The following STOX2 variants were observed in gnomAD, a reference collection of about 807,000 sequenced individuals.
STOX2 encodes the protein storkhead box 2.
A neutral mutation model predicts 60.9 loss-of-function variants in STOX2; 28 were observed. That is an observed-to-expected ratio of 0.46 (90% CI 0.34 to 0.63). The LOEUF (loss-of-function observed/expected upper bound fraction) is 0.63, where lower values mean the gene tolerates loss of function less well. Among genes scored for constraint, STOX2 ranks in the 30% least tolerant of loss-of-function variants. The probability of loss-of-function intolerance (pLI) is 0.01; values close to 1 mark genes in which losing one functional copy is unlikely to be tolerated. For missense variants in STOX2, 1,024 were observed against 1,187.7 expected, an observed-to-expected ratio of 0.86 and a Z score of 2.03; for synonymous variants, 472 against 463.9, an observed-to-expected ratio of 1.02 and a Z score of -0.22.
chr4:183,910,361 A>C (rs1473082743), intron 1 of STOX2, among the ~76,000 whole-genome samples: 3 of 152,176 alleles, frequency 2.0e-5, no homozygotes, highest in Non-Finnish European at 2.9e-5. Flanking sequence ...ATGTATGAAA[A>C]CATGCTCATT....
Position 184,001,230 on chromosome 4 carries a change from G to C in STOX2, c.167-95G>C, listed in dbSNP as rs762754012. The C allele has an allele frequency of 2.9e-5, 37 of 1,270,192 alleles. No homozygotes were observed. In the African/African-American group the frequency reaches 3.8e-4, roughly 13 times the overall value. 78.7% of individuals were successfully genotyped at this position (1,270,192 alleles called of 1,614,324 possible). Reference sequence around the variant, plus strand: ...GCTATGTTCGGAGCTGACTGTGTTCGTCAGACCAGGGCCAGATGGACGCGT... The same window carrying C: ...GCTATGTTCGGAGCTGACTGTGTTCCTCAGACCAGGGCCAGATGGACGCGT... On this transcript the variant is annotated intron_variant, in intron 1 of 3. Transcript: ENST00000308497. This position sits in a 1 kb window ranked among gnomAD's most constrained non-coding sequence, Gnocchi z 4.2.
intron 1 of STOX2, among the ~76,000 whole-genome samples, chr4:183,803,245 A>C (rs1304589803): frequency 6.6e-6 from 1 of 152,150 alleles, no homozygotes; most frequent in Non-Finnish European, 1.5e-5. Flanking sequence ...TATGGGAGCT[A>C]TAAGACGAGA....
chr4:183,925,870 A>G (rs182841710), intron 1 of STOX2, among the ~76,000 whole-genome samples: 2 of 152,088 alleles, frequency 1.3e-5, no homozygotes, highest in Admixed American at 6.5e-5. Context: ...TCCTTTTAGT[A>G]TTTGAAAACA....
chr4:183,931,984 C>G (rs1742438207), intron 1 of STOX2, among the ~76,000 whole-genome samples: 1 of 152,060 alleles, frequency 6.6e-6, no homozygotes, highest in Non-Finnish European at 1.5e-5. Flanking sequence ...AGGGCTGTTT[C>G]AGGGATCCAG....
At chr4:183,832,236 C>T (rs1739587139) in intron 1 of STOX2, among the ~76,000 whole-genome samples, 1 of 151,662 alleles carries the variant, frequency 6.6e-6, no homozygotes. Context: ...GTGGTCCGCC[C>T]ACCATGGCCT....
At position 184,010,311 on chromosome 4, in the gene STOX2, C is replaced by G. The variant is rs1432136371; in HGVS notation, c.1473C>G (p.Ser491=). 1.2e-6 allele frequency: 2 copies of G among 1,601,870 alleles called. No individual in the cohort carries two copies. Among genetic ancestry groups the G allele is most frequent in the South Asian group, 2.3e-5 (2 of 88,720 alleles). The change falls in exon 3 of 4, where the codon TCC becomes TCG. Residue 491 remains serine, a synonymous_variant. Coordinates refer to ENST00000308497, the MANE Select transcript of STOX2 (RefSeq NM_020225.3). The surrounding 1 kb of genome is among the most constrained non-coding windows in gnomAD (Gnocchi z 4.5). The stretch of plus-strand genomic sequence containing the variant: ...GATCCAACAAAGCCAAGGAGAGATC[C>G]AGGTCGATGGATAACTCCAAAGGCC... ...NERSNKAKER[S]RSMDNSKGPL...
At chr4:183,887,542 TAGC>T (rs895665056) in intron 1 of STOX2, among the ~76,000 whole-genome samples, 26 of 152,308 alleles carry the variant, frequency 1.7e-4, no homozygotes, top group African/African-American at 6.0e-4. Context: ...TACACATCAT[TAGC>T]AGACTCCCTG....
chr4:183,829,357 G>A (rs1330457092), intron 1 of STOX2, among the ~76,000 whole-genome samples: 9 of 152,300 alleles, frequency 5.9e-5, no homozygotes, highest in African/African-American at 1.7e-4. Context: ...AAGACAGAAC[G>A]TGGAAAAAAG....
In STOX2 at chr4:183,913,945, G is replaced by T. The variant is rs188392914; in HGVS notation, c.166+6989G>T. On this transcript the variant is annotated intron_variant, in intron 1 of 3. Transcript: ENST00000308497. ...TACTTTTGTATTTAAGTGAATTAAA[G>T]AAACAATTTTGCATTTCCTATGAAA... 9.9e-5 allele frequency among the ~76,000 whole-genome samples: 15 copies of T among 152,258 alleles called. 1 individual carries two copies. In the East Asian group the frequency reaches 1.9e-3, roughly 20 times the overall value.
At chr4:183,939,005 A>G (rs1031108298) in intron 1 of STOX2, among the ~76,000 whole-genome samples, 8 of 152,336 alleles carry the variant, frequency 5.3e-5, no homozygotes, top group African/African-American at 1.9e-4. Context: ...AATCTATCCA[A>G]AGAGTCAGCT....
chr4:184,016,574 C>T (rs568602186), intron 3 of STOX2, among the ~76,000 whole-genome samples: 59 of 152,224 alleles, frequency 3.9e-4, no homozygotes, highest in Middle Eastern at 3.4e-3. Flanking sequence ...CCCATCTTTG[C>T]GGCAAATGCC....
intron 1 of STOX2, among the ~76,000 whole-genome samples, chr4:183,844,205 A>G (rs889265566): frequency 1.3e-5 from 2 of 152,086 alleles, no homozygotes; most frequent in Admixed American, 6.5e-5. Flanking sequence ...TCTTCCTCCA[A>G]CCCTTAACAC....
intron 1 of STOX2, among the ~76,000 whole-genome samples, chr4:183,840,787 A>C (rs1171006231): frequency 6.6e-6 from 1 of 152,188 alleles, no homozygotes; most frequent in African/African-American, 2.4e-5. Context: ...GTCTGACTAC[A>C]AAAAAAGTTC....
At chr4:183,947,354 G>T (rs1334806150) in intron 1 of STOX2, among the ~76,000 whole-genome samples, 1 of 152,090 alleles carries the variant, frequency 6.6e-6, no homozygotes, top group African/African-American at 2.4e-5. Flanking sequence ...AGGGCTGAGT[G>T]TAATATTTCG....
chr4:183,922,052 T>C (rs1259018901), intron 1 of STOX2, among the ~76,000 whole-genome samples: 1 of 152,214 alleles, frequency 6.6e-6, no homozygotes, highest in Non-Finnish European at 1.5e-5. Flanking sequence ...TAACTTCTTA[T>C]TGTCTTCCTC....
intron 1 of STOX2, among the ~76,000 whole-genome samples, chr4:183,925,433 T>G (rs1477592744): frequency 1.3e-5 from 2 of 152,174 alleles, no homozygotes; most frequent in African/African-American, 2.4e-5. Flanking sequence ...TACTCCCACC[T>G]TGGCCTCCCA....
At chr4:183,848,873 C>G (rs776848543) in intron 1 of STOX2, among the ~76,000 whole-genome samples, 2 of 152,184 alleles carry the variant, frequency 1.3e-5, no homozygotes, top group South Asian at 2.1e-4. Context: ...AACAGGAGCC[C>G]GAAGTCCATG....
intron 1 of STOX2, among the ~76,000 whole-genome samples, chr4:183,932,868 A>G (rs1296908106): frequency 1.3e-5 from 2 of 152,234 alleles, no homozygotes; most frequent in African/African-American, 4.8e-5. Context: ...GAAATGTCCT[A>G]CATGACAGCT....
At chr4:184,016,150 C>T (rs1429665374) in intron 3 of STOX2, 1 of 152,212 alleles carries the variant, frequency 6.6e-6, no homozygotes, top group East Asian at 1.9e-4. Context: ...TGCTTGCACT[C>T]AGGAGTTCGA....
Sources: allele counts gnomAD v4.1 joint callset (sites outside exome capture counted in the v4.1 genomes callset), GRCh38; gene constraint gnomAD v4.1.1; non-coding constraint Gnocchi (gnomAD v3.1); transcripts MANE v1.5; gene names NCBI Gene and HGNC (gene_info 2026-07-23, HGNC 2026-07-21).